The following CACNA1S variants were observed in gnomAD, a reference collection of about 807,000 sequenced individuals.
The protein encoded by CACNA1S is calcium voltage-gated channel subunit alpha1 S, also known as voltage-dependent L-type calcium channel subunit alpha-1S.
Under a neutral mutation model 207.4 loss-of-function variants are expected in CACNA1S, and 126 were observed. That is an observed-to-expected ratio of 0.61 (90% CI 0.53 to 0.70). The LOEUF is 0.70. Among genes scored for constraint, CACNA1S ranks in the 30% least tolerant of loss-of-function variants. CACNA1S has a pLI of 0.00. For missense variants in CACNA1S, 2,349 were observed against 2,422.8 expected (o/e 0.97, Z 0.64); for synonymous variants, 960 against 932.7 (o/e 1.03, Z -0.53).
At chr1:201,093,826 G>A (rs1662320446) in intron 3 of CACNA1S, 56 bp downstream of exon 3, 3 of 1,602,828 alleles carry the variant, frequency 1.9e-6, no homozygotes, top group East Asian at 4.5e-5. Context: ...GGTGGCAGTG[G>A]GCACACAGTC....
In CACNA1S at chr1:201,053,195, C is replaced by T. The variant is rs200654730; in HGVS notation, c.3861+14G>A. On this transcript the variant is annotated intron_variant, in intron 31 of 43. Coordinates refer to ENST00000362061, the MANE Select transcript of CACNA1S (RefSeq NM_000069.3). The surrounding 1 kb of genome is among the most constrained non-coding windows in gnomAD (Gnocchi z 5.1). ...CAAGATCCATGCTTTGGCCTGGGCCCGCCTGCCTCTCACCTGCATGCCGAT... is the reference window on the plus strand; with the variant it reads ...CAAGATCCATGCTTTGGCCTGGGCCTGCCTGCCTCTCACCTGCATGCCGAT... 16 of 1,614,168 alleles carry T rather than the reference C, an allele frequency of 9.9e-6. No individual in the cohort carries two copies. The East Asian group carries it at 1.8e-4, about 18-fold the overall frequency.
chr1:201,061,369 G>A lies in CACNA1S; in HGVS notation c.3153C>T (p.Leu1051=). 1 of 1,614,204 alleles carries A rather than the reference G, an allele frequency of 6.2e-7. No individual in the cohort carries two copies. The highest frequency in any genetic ancestry group is 1.7e-5 in the Admixed American group (1 of 60,036). ...MAIFFIIYII[L]IAFFMMNIFV... ...AGATGTTCATCATGAAGAAGGCAAT[G>A]AGGATGATGTAGATGATGAAGAAGA... is the stretch of plus-strand genomic sequence containing the variant. Residue 1051 remains leucine, a synonymous_variant, in exon 25 of 44, where the codon CTC becomes CTT. Coordinates refer to ENST00000362061, the MANE Select transcript of CACNA1S (RefSeq NM_000069.3).
intron 5 of CACNA1S, among the ~76,000 whole-genome samples, chr1:201,089,989 C>T (rs2102161517): frequency 6.6e-6 from 1 of 152,364 alleles, no homozygotes; most frequent in South Asian, 2.1e-4. Flanking sequence ...CTTTGTTCCC[C>T]TGGATGATGC....
At position 201,053,247 on chromosome 1, in the gene CACNA1S, C is replaced by A; in HGVS notation, c.3823G>T (p.Val1275Phe). 1 of 1,614,218 alleles carries A rather than the reference C, an allele frequency of 6.2e-7. No homozygotes were observed. The highest frequency in any genetic ancestry group is 8.5e-7 in the Non-Finnish European group (1 of 1,180,034). Residue 1275 changes from valine to phenylalanine, a missense_variant, in exon 31 of 44, where the codon GTC (valine) becomes TTC (phenylalanine). By Grantham distance (50) the Val-to-Phe change is conservative (BLOSUM62 -1). Transcript: ENST00000362061. This position sits in a 1 kb window ranked among gnomAD's most constrained non-coding sequence, Gnocchi z 5.1. ...ACAGCGTAGATGAAGAAGAGCATGA[C>A]GATGAGCAGAGCCACGTAGGGTAGG... ...QALPYVALLI[V>F]MLFFIYAVIG...
At chr1:201,060,535 A>G in intron 26 of CACNA1S, 123 bp downstream of exon 26, 1 of 1,045,860 alleles carries the variant, frequency 9.6e-7, no homozygotes, top group Non-Finnish European at 1.5e-6. Context: ...GTAGCACCTC[A>G]GCACACAGTG....
chr1:201,074,485 T>G (rs773002637), intron 14 of CACNA1S, 21 bp downstream of exon 14: 1 of 1,509,172 alleles, frequency 6.6e-7, no homozygotes, highest in South Asian at 1.1e-5. Context: ...CCAGGTCCCT[T>G]CCTGCTAAGG....
chr1:201,087,726 C>G, intron 7 of CACNA1S, 100 bp downstream of exon 7: 2 of 804,042 alleles, frequency 2.5e-6, no homozygotes, highest in East Asian at 2.7e-5. Flanking sequence ...ACTCGCCCCC[C>G]ACCCCTCCTG....
In CACNA1S at chr1:201,051,071, C is replaced by T. The variant is rs757432785; in HGVS notation, c.4026G>A (p.Ser1342=). ...CSYGKLCDPE[S]DYAPGEEYTC... ...TGTACTCCTCCCCTGGGGCATAGTC[C>T]GACTCTGGGTCACACAGCTTCCCAT... Residue 1342 remains serine, a synonymous_variant, in exon 33 of 44, where the codon TCG becomes TCA. Coordinates refer to ENST00000362061, the MANE Select transcript of CACNA1S (RefSeq NM_000069.3). 2.4e-5 allele frequency: 38 copies of T among 1,614,058 alleles called. No individual in the cohort carries two copies. Among genetic ancestry groups the T allele is most frequent in the African/African-American group, 9.3e-5 (7 of 74,922 alleles).
rs764880495 is a variant in CACNA1S at position 201,066,046 on chromosome 1, T to C, written c.2746-101A>G. On this transcript the variant is annotated intron_variant, in intron 21 of 43. Transcript: ENST00000362061. The surrounding 1 kb of genome is among the most constrained non-coding windows in gnomAD (Gnocchi z 4.3). ...GAGTGCAAGACTTGCTGCCTCCTGA[T>C]GAGTTGGAGGTGGGGAAAGGCTGGT... is the stretch of plus-strand genomic sequence containing the variant. The C allele has an allele frequency of 2.8e-5, 27 of 974,838 alleles. No individual in the cohort carries two copies. Among genetic ancestry groups the C allele is most frequent in the Non-Finnish European group, 3.9e-5 (24 of 619,980 alleles). 60.4% of individuals were successfully genotyped at this position (974,838 alleles called of 1,614,324 possible).
chr1:201,048,916 T>A, intron 35 of CACNA1S, 87 bp downstream of exon 35: 1 of 1,103,632 alleles, frequency 9.1e-7, no homozygotes, highest in Non-Finnish European at 1.4e-6. Flanking sequence ...CTACAATGCT[T>A]CACTCCATCA....
intron 40 of CACNA1S, chr1:201,041,943 G>A (rs1660244346): frequency 2.6e-6 from 1 of 379,720 alleles, no homozygotes; most frequent in South Asian, 2.3e-5. Context: ...GGTGAGTGGT[G>A]GCTGAGTCCC....
chr1:201,052,600 T>A lies in CACNA1S; in HGVS notation c.3910A>T (p.Asn1304Tyr). 1.2e-6 allele frequency: 2 copies of A among 1,614,012 alleles called. No individual in the cohort carries two copies. The highest frequency in any genetic ancestry group is 1.7e-6 in the Non-Finnish European group (2 of 1,179,986). Residue 1304 changes from asparagine (N) to tyrosine (Y), a missense_variant, in exon 32 of 44, where the codon AAC becomes TAC. Transcript: ENST00000362061. ...GCTTGTGGGAAGGTCTGGAAGTTGTTGTTCCGGTTTATTTGGGTCCCATCC... is the reference window on the plus strand; with the variant it reads ...GCTTGTGGGAAGGTCTGGAAGTTGTAGTTCCGGTTTATTTGGGTCCCATCC... ...LVDGTQINRN[N>Y]NFQTFPQAVL... is the part of the protein sequence containing the mutation.
rs566715957 is a variant in CACNA1S, at chr1:201,048,813, A to T, written c.4339-129T>A. 23 of 870,910 alleles carry T rather than the reference A, an allele frequency of 2.6e-5. No homozygotes were observed. In the African/African-American group the frequency reaches 3.0e-4, roughly 11 times the overall value. 53.9% of individuals were successfully genotyped at this position (870,910 alleles called of 1,614,324 possible). On this transcript the variant is annotated intron_variant, in intron 35 of 43. Coordinates refer to ENST00000362061, the MANE Select transcript of CACNA1S (RefSeq NM_000069.3). ...GCTGGGGGTGTCAGCTGACCAGGACATCCTTTGTGAGGGGACAGAATGATG... is the reference window on the plus strand; with the variant it reads ...GCTGGGGGTGTCAGCTGACCAGGACTTCCTTTGTGAGGGGACAGAATGATG...
intron 28 of CACNA1S, among the ~76,000 whole-genome samples, chr1:201,056,905 T>G (rs1660865694): frequency 6.6e-6 from 1 of 152,116 alleles, no homozygotes; most frequent in Admixed American, 6.5e-5. Flanking sequence ...CAGCTCAACC[T>G]TCAAAATAGA....
intron 36 of CACNA1S, among the ~76,000 whole-genome samples, chr1:201,047,917 A>G (rs1660520493): frequency 1.3e-5 from 2 of 152,246 alleles, no homozygotes; most frequent in South Asian, 4.1e-4. Context: ...AAATCTTTCA[A>G]TTCCCCAGGC....
At position 201,092,259 on chromosome 1, in the gene CACNA1S, A is replaced by T. The variant is rs117190487; in HGVS notation, c.399-145T>A. 18,547 of 759,814 alleles carry T rather than the reference A, an allele frequency of 0.024. 414 individuals are homozygous for T. Among genetic ancestry groups the T allele is most frequent in the South Asian group, 0.07 (4,251 of 60,758 alleles). 47.1% of individuals were successfully genotyped at this position (759,814 alleles called of 1,614,324 possible). On this transcript the variant is annotated intron_variant, in intron 3 of 43. Transcript: ENST00000362061. ...GGCAAATACGGGTGCATCAACTAACAAATGATCTGATCATGCTTATCTGGG... is the reference window on the plus strand; with the variant it reads ...GGCAAATACGGGTGCATCAACTAACTAATGATCTGATCATGCTTATCTGGG...
intron 7 of CACNA1S, among the ~76,000 whole-genome samples, chr1:201,086,472 C>T (rs138701438): frequency 3.3e-5 from 5 of 152,284 alleles, no homozygotes; most frequent in African/African-American, 7.2e-5. Context: ...ATGGGAGAGC[C>T]GACTACACAT....
chr1:201,090,485 TC>T (rs1662184815), intron 5 of CACNA1S, among the ~76,000 whole-genome samples: 2 of 152,168 alleles, frequency 1.3e-5, no homozygotes, highest in Non-Finnish European at 2.9e-5. Context: ...GTGTTGACTG[TC>T]CCTTTGTTGT....
intron 12 of CACNA1S, 63 bp downstream of exon 12, chr1:201,076,857 G>C (rs1222797239): frequency 1.4e-6 from 2 of 1,474,030 alleles, no homozygotes; most frequent in Non-Finnish European, 1.9e-6. Context: ...CCTTGATCTT[G>C]AAGGACAAGA....
Sources: gnomAD v4.1 joint callset for allele counts (sites outside exome capture counted in the v4.1 genomes callset) on GRCh38, gnomAD v4.1.1 for gene constraint, Gnocchi (gnomAD v3.1) non-coding constraint, MANE v1.5 for transcripts, NCBI Gene and HGNC (gene_info 2026-07-23, HGNC 2026-07-21) for gene names.